The following TJP2 variants were observed in gnomAD, a reference collection of about 807,000 sequenced individuals.
TJP2 encodes the protein Friedreich ataxia region gene X104 (tight junction protein ZO-2).
TJP2 carries 91 observed loss-of-function variants against 133.1 expected under a neutral mutation model. The observed-to-expected ratio is 0.68, with a 90% CI of 0.58 to 0.81. The LOEUF (loss-of-function observed/expected upper bound fraction) is 0.81. TJP2 is among the 40% of genes least tolerant of loss of function. TJP2 has a pLI of 0.00. For synonymous variants in TJP2, 592 were observed against 583.4 expected, an observed-to-expected ratio of 1.01 and a Z score of -0.21; for missense variants, 1,541 against 1,565.6, an observed-to-expected ratio of 0.98 and a Z score of 0.26.
At position 69,226,105 on chromosome 9, in the gene TJP2, G is replaced by C. The variant is rs753911568; in HGVS notation, c.1140G>C (p.Val380=). ...IEKSRGKLQL[V]VLRDSQQTLI... is the part of the protein sequence containing the mutation. ...AGTCAAGAGGAAAACTACAGCTAGT[G>C]GTGTTGAGAGACAGCCAGCAGACCC... Residue 380 remains valine, a synonymous_variant, in exon 7 of 23, where the codon GTG becomes GTC. Coordinates refer to ENST00000377245, the MANE Select transcript of TJP2 (RefSeq NM_004817.4). The C allele has an allele frequency of 4.3e-6, 7 of 1,614,144 alleles. No homozygotes were observed. Among genetic ancestry groups the C allele is most frequent in the Non-Finnish European group, 5.9e-6 (7 of 1,180,032 alleles).
chr9:69,198,107 G>T (rs978603691), intron 1 of TJP2, among the ~76,000 whole-genome samples: 1 of 150,306 alleles, frequency 6.7e-6, no homozygotes, highest in South Asian at 2.1e-4. Context: ...AAAGCTACAG[G>T]TTGCCTCAGG....
chr9:69,186,301 G>A (rs1003464042), intron 1 of TJP2, among the ~76,000 whole-genome samples: 5 of 152,116 alleles, frequency 3.3e-5, no homozygotes, highest in African/African-American at 4.8e-5. Flanking sequence ...ATTGATTAAC[G>A]TTTTAGGCAT....
At chr9:69,174,154 G>A, upstream of TJP2, 5 of 1,266,234 alleles carry the variant, frequency 3.9e-6, no homozygotes, top group South Asian at 3.0e-5. Flanking sequence ...TTCCCGGGCC[G>A]GGCGGCCAGC....
chr9:69,184,453 TC>T (rs1825714926), intron 1 of TJP2, among the ~76,000 whole-genome samples: 2 of 152,316 alleles, frequency 1.3e-5, no homozygotes, highest in Admixed American at 1.3e-4. Context: ...GTCTGAGGAA[TC>T]CAACTTTTGC....
intron 1 of TJP2, among the ~76,000 whole-genome samples, chr9:69,208,376 C>T (rs1047781245): frequency 2.0e-5 from 3 of 152,128 alleles, no homozygotes; most frequent in Admixed American, 1.3e-4. Flanking sequence ...AAGTTAATAG[C>T]AAGGTCTGAT....
Position 69,226,064 on chromosome 9 carries a change from CG to C in TJP2, c.1100del (p.Arg367GlnfsTer3), listed in dbSNP as rs1563932525. 1 of 1,614,006 alleles carries C rather than the reference CG, an allele frequency of 6.2e-7. No homozygotes were observed. Among genetic ancestry groups the C allele is most frequent in the Non-Finnish European group, 8.5e-7 (1 of 1,180,006 alleles). The stretch of plus-strand genomic sequence containing the variant: ...TGAGAACATGTCTTTAACGGATGCT[CG>C]AAAATTGATAGAAAAGTCAAGAGGA... ...VTENMSLTDARKLIEKSRGKL... is the reference protein window; with the variant it reads ...VTENMSLTDAXKLIEKSRGKL... On this transcript the variant is annotated frameshift_variant, in exon 7 of 23. Coordinates refer to ENST00000377245, the MANE Select transcript of TJP2 (RefSeq NM_004817.4). LOFTEE classifies it high-confidence loss of function.
chr9:69,137,894 A>G (rs536331371), intron 1 of TJP2, among the ~76,000 whole-genome samples: 19 of 152,202 alleles, frequency 1.2e-4, no homozygotes, highest in African/African-American at 4.6e-4. Context: ...CTCTCTCCAG[A>G]AGACTTTGGG....
At chr9:69,121,950 C>A (rs1387520158) in intron 1 of TJP2, 1 of 152,406 alleles carries the variant, frequency 6.6e-6, no homozygotes, top group Non-Finnish European at 1.5e-5. Flanking sequence ...GGTTGACATC[C>A]CCTAGGTTTC....
At chr9:69,155,038 T>C (rs1823673571) in intron 2 of TJP2, among the ~76,000 whole-genome samples, 1 of 151,170 alleles carries the variant, frequency 6.6e-6, no homozygotes, top group South Asian at 2.1e-4. Flanking sequence ...GCCAACATGG[T>C]GAAACCTCAT....
intron 1 of TJP2, among the ~76,000 whole-genome samples, chr9:69,182,095 G>A (rs986228480): frequency 6.6e-6 from 1 of 152,184 alleles, no homozygotes; most frequent in African/African-American, 2.4e-5. Flanking sequence ...CAAATGTGTT[G>A]AAGATGAGCC....
At chr9:69,250,457 G>A (rs1316626461) in intron 20 of TJP2, among the ~76,000 whole-genome samples, 1 of 152,166 alleles carries the variant, frequency 6.6e-6, no homozygotes, top group African/African-American at 2.4e-5. Context: ...TGAGCCATCA[G>A]AAGTAGTAAA....
At chr9:69,231,964 A>T (rs564002942) in intron 11 of TJP2, among the ~76,000 whole-genome samples, 50 of 152,296 alleles carry the variant, frequency 3.3e-4, no homozygotes, top group African/African-American at 9.9e-4. Context: ...ATGATAAAAT[A>T]TTTTCGTATG....
intron 3 of TJP2, among the ~76,000 whole-genome samples, chr9:69,217,282 T>C (rs769256982): frequency 1.5e-4 from 22 of 149,798 alleles, no homozygotes; most frequent in Non-Finnish European, 2.8e-4. Flanking sequence ...TGAGCCACCA[T>C]ACCCAGCTGG....
chr9:69,177,957 G>T (rs989862005), intron 1 of TJP2, among the ~76,000 whole-genome samples: 2 of 152,072 alleles, frequency 1.3e-5, no homozygotes, highest in Non-Finnish European at 2.9e-5. Flanking sequence ...AGAACTGGGT[G>T]ACTGACAGCT....
chr9:69,174,116 C>T (rs1339037826), upstream of TJP2: 5 of 1,202,708 alleles, frequency 4.2e-6, no homozygotes, highest in Non-Finnish European at 5.2e-6. Flanking sequence ...CCGGCAGGCG[C>T]GTGGGTGGTA....
chr9:69,167,656 C>T (rs987178668), intron 2 of TJP2, among the ~76,000 whole-genome samples: 2 of 152,074 alleles, frequency 1.3e-5, no homozygotes, highest in Non-Finnish European at 2.9e-5. Flanking sequence ...TCAATTGAGG[C>T]TAGGAGTTCA....
In TJP2 at chr9:69,124,182, A is replaced by G. The variant is rs930709066; in HGVS notation, c.-131+2457A>G. 2.9e-5 allele frequency among the ~76,000 whole-genome samples: 2 copies of G among 69,492 alleles called. 1 individual carries two copies. Among genetic ancestry groups the G allele is most frequent in the Non-Finnish European group, 6.3e-5 (2 of 31,534 alleles). 45.6% of individuals were successfully genotyped at this position (69,492 alleles called of 152,430 possible). On this transcript the variant is annotated intron_variant, in intron 1 of 5. Transcript: ENST00000423935. Reference sequence around the variant, plus strand: ...GGCCTGAGCCACGGCGCCCAGCCTTATTTTATTTTTTGAGACAGAGTCTTG... The same window carrying G: ...GGCCTGAGCCACGGCGCCCAGCCTTGTTTTATTTTTTGAGACAGAGTCTTG...
chr9:69,243,863 A>T (rs546180595), intron 17 of TJP2, among the ~76,000 whole-genome samples: 35 of 152,232 alleles, frequency 2.3e-4, no homozygotes, highest in African/African-American at 7.5e-4. Context: ...GTTTTGACTT[A>T]GATACCATAT....
chr9:69,221,646 C>CG, intron 5 of TJP2, 150 bp downstream of exon 5: 1 of 1,079,780 alleles, frequency 9.3e-7, no homozygotes, highest in Non-Finnish European at 1.3e-6. Flanking sequence ...CTCCACCTCC[C>CG]GGGTTCAAGT....
Sources: gnomAD v4.1 joint callset for allele counts (sites outside exome capture counted in the v4.1 genomes callset) on GRCh38, gnomAD v4.1.1 for gene constraint, MANE v1.5 for transcripts, NCBI Gene and HGNC (gene_info 2026-07-23, HGNC 2026-07-21) for gene names.